Variants in ELF1 observed in about 807,000 individuals in gnomAD.
The protein encoded by ELF1 is E74 like ETS transcription factor 1.
ELF1 carries 24 observed loss-of-function variants against 59.9 expected under a neutral mutation model. The observed-to-expected ratio is 0.40, with a 90% CI of 0.29 to 0.56. ELF1 has a LOEUF of 0.56. ELF1 is among the 20% of genes least tolerant of loss of function. The pLI, the probability that ELF1 is intolerant of heterozygous loss-of-function variation, is 0.44. For synonymous variants in ELF1, 248 were observed against 266.2 expected, an observed-to-expected ratio of 0.93 and a Z score of 0.67; for missense variants, 627 against 742.2, an observed-to-expected ratio of 0.84 and a Z score of 1.80.
intron 1 of ELF1, among the ~76,000 whole-genome samples, chr13:41,055,817 T>C (rs1877267667): frequency 6.6e-6 from 1 of 151,850 alleles, no homozygotes; most frequent in Admixed American, 6.6e-5. Context: ...CCTGAGGAGC[T>C]GGGACTACAG....
At chr13:41,035,973 C>T (rs1306635136) in intron 1 of ELF1, among the ~76,000 whole-genome samples, 4 of 150,956 alleles carry the variant, frequency 2.6e-5, no homozygotes, top group African/African-American at 7.3e-5. Context: ...GGCGCAATCT[C>T]GGCTCACTGC....
At chr13:40,970,630 T>C (rs1423384167) in intron 2 of ELF1, among the ~76,000 whole-genome samples, 1 of 152,208 alleles carries the variant, frequency 6.6e-6, no homozygotes, top group East Asian at 1.9e-4. Flanking sequence ...CCAAGTATGT[T>C]TGGATGTTAA....
intron 1 of ELF1, among the ~76,000 whole-genome samples, chr13:41,054,574 A>G (rs143853671): frequency 4.2e-4 from 64 of 152,282 alleles, no homozygotes; most frequent in African/African-American, 1.3e-3. Flanking sequence ...TAACTTCTCT[A>G]TTTCTTTTAG....
At chr13:41,008,566 T>C in intron 1 of ELF1, among the ~76,000 whole-genome samples, 1 of 151,942 alleles carries the variant, frequency 6.6e-6, no homozygotes, top group Non-Finnish European at 1.5e-5. Flanking sequence ...AAATCTTGCT[T>C]AGGTTAAAAA....
chr13:40,948,348 G>C (rs984581157), intron 5 of ELF1, among the ~76,000 whole-genome samples: 16 of 152,130 alleles, frequency 1.1e-4, no homozygotes, highest in African/African-American at 3.6e-4. Flanking sequence ...CCCCAAGAGG[G>C]TATATCCCTT....
intron 1 of ELF1, among the ~76,000 whole-genome samples, chr13:41,053,831 C>A (rs1425264709): frequency 1.3e-5 from 2 of 152,088 alleles, no homozygotes; most frequent in African/African-American, 4.8e-5. Flanking sequence ...AGCAGAGTGT[C>A]CTTCTAAATA....
chr13:40,972,068 A>G (rs1872577767), intron 2 of ELF1, among the ~76,000 whole-genome samples: 1 of 152,190 alleles, frequency 6.6e-6, no homozygotes, highest in African/African-American at 2.4e-5. Context: ...AAACATGCAG[A>G]TTCCATATAA....
At chr13:41,054,091 C>T (rs999982129) in intron 1 of ELF1, among the ~76,000 whole-genome samples, 1 of 152,088 alleles carries the variant, frequency 6.6e-6, no homozygotes, top group African/African-American at 2.4e-5. Flanking sequence ...GGATAAATGA[C>T]CATTTCACAA....
intron 8 of ELF1, among the ~76,000 whole-genome samples, chr13:40,935,704 C>G (rs776834373): frequency 2.0e-5 from 3 of 149,602 alleles, no homozygotes; most frequent in Non-Finnish European, 4.4e-5. Context: ...GATGGAGTCT[C>G]GCTCTGTTGC....
At chr13:41,045,832 C>T (rs965472751) in intron 1 of ELF1, among the ~76,000 whole-genome samples, 8 of 152,090 alleles carry the variant, frequency 5.3e-5, no homozygotes, top group Non-Finnish European at 1.0e-4. Flanking sequence ...TCCTGGATAT[C>T]CTTCCTTATT....
chr13:41,054,108 T>C (rs77405859), intron 1 of ELF1, among the ~76,000 whole-genome samples: 39 of 152,278 alleles, frequency 2.6e-4, no homozygotes, highest in African/African-American at 9.4e-4. Context: ...ACAACAGGCC[T>C]ACATGCCACA....
At chr13:40,988,629 G>T (rs907522910) in intron 1 of ELF1, among the ~76,000 whole-genome samples, 1 of 152,106 alleles carries the variant, frequency 6.6e-6, no homozygotes, top group African/African-American at 2.4e-5. Flanking sequence ...AAGTCTTAGA[G>T]TTTTACTATT....
intron 1 of ELF1, among the ~76,000 whole-genome samples, chr13:41,058,392 A>C (rs2138443826): frequency 6.6e-6 from 1 of 151,672 alleles, no homozygotes; most frequent in Middle Eastern, 3.4e-3. Flanking sequence ...TTCAAGGTCC[A>C]CTCTCCCCTC....
chr13:41,027,687 A>G (rs969971732), intron 1 of ELF1, among the ~76,000 whole-genome samples: 1 of 152,220 alleles, frequency 6.6e-6, no homozygotes, highest in East Asian at 1.9e-4. Flanking sequence ...ACTACCATCC[A>G]TGAACTCACA....
At chr13:41,041,522 A>G (rs1427901441) in intron 1 of ELF1, among the ~76,000 whole-genome samples, 1 of 152,076 alleles carries the variant, frequency 6.6e-6, no homozygotes, top group Non-Finnish European at 1.5e-5. Flanking sequence ...ACAACACAGA[A>G]AGATTAGCCG....
intron 1 of ELF1, among the ~76,000 whole-genome samples, chr13:41,055,831 C>G (rs570887608): frequency 2.0e-5 from 3 of 151,626 alleles, no homozygotes; most frequent in Admixed American, 6.6e-5. Flanking sequence ...ACTACAGGAA[C>G]GCACCACCAC....
chr13:41,041,837 T>C (rs545896862), intron 1 of ELF1, among the ~76,000 whole-genome samples: 1 of 152,186 alleles, frequency 6.6e-6, no homozygotes, highest in Admixed American at 6.5e-5. Context: ...ACTTTCCAGA[T>C]GATCAGAAGT....
At chr13:40,988,446 C>T (rs1008221285) in intron 1 of ELF1, among the ~76,000 whole-genome samples, 4 of 152,260 alleles carry the variant, frequency 2.6e-5, no homozygotes, top group African/African-American at 7.2e-5. Flanking sequence ...AATAAGAAAT[C>T]CCCTAGACAA....
intron 1 of ELF1, among the ~76,000 whole-genome samples, chr13:41,044,430 T>G (rs1202072279): frequency 6.6e-6 from 1 of 152,222 alleles, no homozygotes; most frequent in African/African-American, 2.4e-5. Flanking sequence ...GCTGTGGGTT[T>G]GTCATAAATA....
Sources: allele counts gnomAD v4.1 joint callset (sites outside exome capture counted in the v4.1 genomes callset), GRCh38; gene constraint gnomAD v4.1.1; transcripts MANE v1.5; gene names NCBI Gene and HGNC (gene_info 2026-07-23, HGNC 2026-07-21).